The following AKR1C2 variants were observed in gnomAD, a reference collection of about 807,000 sequenced individuals.
AKR1C2 encodes the protein aldo-keto reductase family 1 member C2.
Under a neutral mutation model 39.8 loss-of-function variants are expected in AKR1C2, and 27 were observed. The ratio of observed to expected loss-of-function variants is 0.68; its 90% CI spans 0.50 to 0.93. The LOEUF (loss-of-function observed/expected upper bound fraction) is 0.93, where lower values mean the gene tolerates loss of function less well. Ranked by LOEUF, AKR1C2 falls within the 40% of genes least tolerant of loss-of-function variation. The pLI is 0.00. For missense variants in AKR1C2, 263 were observed against 365.1 expected (o/e 0.72, Z 2.28); for synonymous variants, 114 against 137.9 (o/e 0.83, Z 1.22).
At chr10:4,998,432 TACA>T (rs1359913616) in intron 5 of AKR1C2, among the ~76,000 whole-genome samples, 190 bp downstream of exon 5, 1 of 152,230 alleles carries the variant, frequency 6.6e-6, no homozygotes, top group Non-Finnish European at 1.5e-5. Context: ...GCATCAAAGT[TACA>T]ACACCTTTTC....
rs1408343892 is a variant in AKR1C2 at position 4,993,926 on chromosome 10, C to T, written c.846+1393G>A. Among the ~76,000 whole-genome samples the T allele has an allele frequency of 6.6e-5, 10 of 151,344 alleles. No homozygotes were observed. The East Asian group carries it at 1.9e-3, about 29-fold the overall frequency. ...TTTTCATTTTTGTTTTGTGAATTCT[C>T]TAATGTCCAAAAATATTTTTAAAAT... On this transcript the variant is annotated intron_variant, in intron 7 of 8. Transcript: ENST00000380753.
Position 4,988,183 on chromosome 10 carries a change from T to A in AKR1C2, c.*1813A>T, listed in dbSNP as rs1490977578. 2 of 152,254 alleles carry A rather than the reference T, an allele frequency of 1.3e-5. No homozygotes were observed. Among genetic ancestry groups the A allele is most frequent in the Non-Finnish European group, 2.9e-5 (2 of 68,054 alleles). The allele number at this position is 152,254 out of a possible 1,614,324, so 9.4% of individuals were successfully genotyped here. A position where few individuals can be genotyped will look rare whatever the true frequency, so the allele number is the denominator to read the frequency against. ...AAAGTCTGCTTAAGCGTTACACACT[T>A]GGCTACGAAGTTTTAACAAAATGTC... On this transcript the variant is annotated 3_prime_UTR_variant, in exon 9 of 9. Coordinates refer to ENST00000380753, the MANE Select transcript of AKR1C2 (RefSeq NM_001393392.1).
chr10:5,008,275 GC>G (rs1837447106), upstream of AKR1C2, among the ~76,000 whole-genome samples: 1 of 121,900 alleles, frequency 8.2e-6, no homozygotes, highest in Non-Finnish European at 1.9e-5. Context: ...CAGACCCTGA[GC>G]AGGTTTCTTT....
At chr10:5,006,827 G>A (rs1283630238), upstream of AKR1C2, among the ~76,000 whole-genome samples, 5 of 151,362 alleles carry the variant, frequency 3.3e-5, no homozygotes, top group African/African-American at 1.2e-4. Flanking sequence ...CCAGGCTGGA[G>A]TGCAGTGGTA....
intron 7 of AKR1C2, among the ~76,000 whole-genome samples, chr10:4,992,268 T>G (rs1836866249): frequency 6.6e-6 from 1 of 152,042 alleles, no homozygotes; most frequent in Admixed American, 6.5e-5. Flanking sequence ...TAGCATAATT[T>G]AGTAGGTTTG....
chr10:5,013,092 C>G (rs1490598744), intron 1 of AKR1C2, among the ~76,000 whole-genome samples: 1 of 152,074 alleles, frequency 6.6e-6, no homozygotes, highest in Non-Finnish European at 1.5e-5. Flanking sequence ...CTAATGAGTA[C>G]TAGGCTTCAT....
chr10:4,998,123 A>G (rs1465513697), intron 5 of AKR1C2, among the ~76,000 whole-genome samples: 1 of 151,920 alleles, frequency 6.6e-6, no homozygotes, highest in East Asian at 1.9e-4. Context: ...TTTTTAGTGT[A>G]TCTATGCCCT....
chr10:5,015,543 T>G (rs1554775293), intron 1 of AKR1C2, among the ~76,000 whole-genome samples: 1 of 152,122 alleles, frequency 6.6e-6, no homozygotes, highest in East Asian at 1.9e-4. Context: ...TACATCCACT[T>G]TCCTAAGCAT....
At chr10:5,014,749 G>A (rs544080742) in intron 1 of AKR1C2, among the ~76,000 whole-genome samples, 3 of 152,332 alleles carry the variant, frequency 2.0e-5, no homozygotes, top group South Asian at 4.1e-4. Flanking sequence ...TCTAACAGCT[G>A]TTTCCCTTGG....
At chr10:4,995,714 T>C in intron 6 of AKR1C2, 42 bp downstream of exon 6, 1 of 1,545,512 alleles carries the variant, frequency 6.5e-7, no homozygotes, top group Non-Finnish European at 8.8e-7. Flanking sequence ...ATTTTTTTTA[T>C]CAAACCAGTG....
At position 5,016,186 on chromosome 10, in the gene AKR1C2, A is replaced by G. The variant is rs547309311; in HGVS notation, c.-88+1714T>C. On this transcript the variant is annotated intron_variant, in intron 1 of 6. Coordinates refer to the AKR1C2 transcript ENST00000604507. ...ATCTCACATTCTTTTCACATTTCCA[A>G]AGATAATTATGCCTTCCTAACAGTC... Among the ~76,000 whole-genome samples the G allele has an allele frequency of 1.9e-4, 29 of 152,278 alleles. No individual in the cohort carries two copies. In the South Asian group the frequency reaches 5.4e-3, roughly 28 times the overall value.
chr10:4,993,879 A>G (rs1222468349), intron 7 of AKR1C2, among the ~76,000 whole-genome samples: 3 of 151,474 alleles, frequency 2.0e-5, no homozygotes, highest in Admixed American at 6.6e-5. Flanking sequence ...AAATACTGAT[A>G]ATTTCCACAG....
chr10:5,015,080 C>A (rs1564339001), intron 1 of AKR1C2: 1 of 152,182 alleles, frequency 6.6e-6, no homozygotes, highest in Non-Finnish European at 1.5e-5. Flanking sequence ...CAGTCTCCAC[C>A]CTGGAGGGCT....
intron 1 of AKR1C2, among the ~76,000 whole-genome samples, chr10:5,011,741 G>A (rs1408736928): frequency 6.6e-6 from 1 of 152,194 alleles, no homozygotes; most frequent in African/African-American, 2.4e-5. Flanking sequence ...AACCTGTGTG[G>A]GGATTGAAAG....
At chr10:5,012,452 C>G (rs1322128688) in intron 1 of AKR1C2, among the ~76,000 whole-genome samples, 3 of 151,410 alleles carry the variant, frequency 2.0e-5, no homozygotes, top group Admixed American at 6.6e-5. Context: ...AAAATCCTTA[C>G]AAGTGGCACC....
chr10:5,015,397 A>G (rs1296086522), intron 1 of AKR1C2, among the ~76,000 whole-genome samples: 1 of 152,200 alleles, frequency 6.6e-6, no homozygotes, highest in African/African-American at 2.4e-5. Flanking sequence ...TATGTCCCAA[A>G]TTAGGTAAAA....
At position 5,001,539 on chromosome 10, in the gene AKR1C2, C is replaced by G. The variant is rs1837271873; in HGVS notation, c.227G>C (p.Arg76Thr). Residue 76 changes from arginine to threonine, a missense_variant, in exon 2 of 9, where the codon AGA (arginine) becomes ACA (threonine). Arg to Thr is a moderately conservative substitution (Grantham distance 71, BLOSUM62 -1). This residue lies in a region of AKR1C2 where 247 missense variants were observed against 267.9 expected (regional missense o/e 0.92). Transcript: ENST00000380753. ...RSKIADGSVK[R>T]EDIFYTSKLW... ...CTTTGAAGTGTAGAATATGTCTTCTCTCTTCACACTGCCATCTGCAATCTT... is the reference window on the plus strand; with the variant it reads ...CTTTGAAGTGTAGAATATGTCTTCTGTCTTCACACTGCCATCTGCAATCTT... 1 of 1,613,806 alleles carries G rather than the reference C, an allele frequency of 6.2e-7. No individual in the cohort carries two copies. Among genetic ancestry groups the G allele is most frequent in the African/African-American group, 1.3e-5 (1 of 74,886 alleles).
chr10:5,002,106 G>A (rs781831964), intron 1 of AKR1C2, among the ~76,000 whole-genome samples: 57 of 152,308 alleles, frequency 3.7e-4, no homozygotes, highest in Non-Finnish European at 5.0e-4. Flanking sequence ...TGCACAGAGC[G>A]CACTGACTTT....
At chr10:5,017,995 A>G (rs186933320), upstream of AKR1C2, 10 of 152,306 alleles carry the variant, frequency 6.6e-5, no homozygotes, top group East Asian at 1.2e-3. Context: ...GGTGCTACAC[A>G]CTTTCAAACA....
Sources: allele counts gnomAD v4.1 joint callset (sites outside exome capture counted in the v4.1 genomes callset), GRCh38; gene constraint gnomAD v4.1.1; regional missense constraint gnomAD v4.1.1; transcripts MANE v1.5; gene names NCBI Gene and HGNC (gene_info 2026-07-23, HGNC 2026-07-21).